PCDHA3: variants seen among roughly 807,000 people sequenced by gnomAD.
The protein encoded by PCDHA3 is protocadherin alpha 3.
In PCDHA3, 41 loss-of-function variants were observed where a neutral mutation model predicts 62.2. The ratio of observed to expected loss-of-function variants is 0.66; its 90% CI spans 0.51 to 0.86. The LOEUF is 0.86. PCDHA3 is among the 40% of genes least tolerant of loss of function. PCDHA3 has a pLI of 0.00. For missense variants in PCDHA3, 1,304 were observed against 1,241.2 expected (o/e 1.05, Z -0.76); for synonymous variants, 640 against 555.4 (o/e 1.15, Z -2.14).
chr5:140,824,610 G>GTTGTTTTTTTTTT (rs1768193318), intron 1 of PCDHA3: 13 of 95,104 alleles, frequency 1.4e-4, no homozygotes, highest in African/African-American at 5.8e-4. Context: ...GCTAATTAAA[G>GTTGTTTTTTTTTT]TTTTTTTTTT....
chr5:140,990,758 C>G (rs1432023166), intron 3 of PCDHA3, among the ~76,000 whole-genome samples: 1 of 152,162 alleles, frequency 6.6e-6, no homozygotes, highest in African/African-American at 2.4e-5. Flanking sequence ...ACCTTTGAGC[C>G]TGTAAATTTG....
chr5:140,829,672 G>A (rs1449427900), intron 1 of PCDHA3: 5 of 1,612,994 alleles, frequency 3.1e-6, no homozygotes, highest in South Asian at 2.2e-5. Flanking sequence ...ACCACGAGGA[G>A]CTAGAGCTGC....
chr5:140,835,256 C>T (rs201236040), intron 1 of PCDHA3: 72 of 1,606,500 alleles, frequency 4.5e-5, no homozygotes, highest in Non-Finnish European at 5.9e-5. Context: ...ATATAAAATC[C>T]AAGTTCCACA....
intron 1 of PCDHA3, among the ~76,000 whole-genome samples, chr5:140,879,706 A>T (rs2058090742): frequency 6.6e-6 from 1 of 152,246 alleles, no homozygotes; most frequent in African/African-American, 2.4e-5. Context: ...ATTATTTCTC[A>T]GTATTGGAGA....
intron 1 of PCDHA3, chr5:140,842,710 C>A: frequency 1.3e-6 from 2 of 1,595,124 alleles, no homozygotes; most frequent in Non-Finnish European, 1.7e-6. Context: ...ACACGGTGTT[C>A]GTGAAGGAGA....
Position 140,858,389 on chromosome 5 carries a change from G to A in PCDHA3, c.2394+54798G>A. The A allele has an allele frequency of 1.3e-6, 2 of 1,580,024 alleles. 1 individual carries two copies. Among genetic ancestry groups the A allele is most frequent in the Non-Finnish European group, 1.7e-6 (2 of 1,156,144 alleles). On this transcript the variant is annotated intron_variant, in intron 1 of 3. Transcript: ENST00000522353. ...CAGCCTTCCACCATGCCCAATGGTA[G>A]ATGTGGACGGGGAAGATCAGTCTAT...
intron 1 of PCDHA3, among the ~76,000 whole-genome samples, chr5:140,937,364 T>C (rs1471697724): frequency 6.6e-6 from 1 of 152,150 alleles, no homozygotes; most frequent in African/African-American, 2.4e-5. Flanking sequence ...TATTTTATCT[T>C]AATGTTTATG....
intron 1 of PCDHA3, chr5:140,850,598 C>T (rs1358773904): frequency 1.9e-6 from 3 of 1,598,576 alleles, no homozygotes; most frequent in Middle Eastern, 1.7e-4. Context: ...TGTACCTGAT[C>T]ATCGCCATCT....
chr5:140,849,747 G>A (rs2150448012), intron 1 of PCDHA3: 2 of 1,598,328 alleles, frequency 1.3e-6, no homozygotes, highest in South Asian at 1.1e-5. Flanking sequence ...CCGCGAGAGT[G>A]TGTCCGCCTA....
At chr5:140,880,842 T>C (rs1554171525) in intron 1 of PCDHA3, among the ~76,000 whole-genome samples, 1 of 152,194 alleles carries the variant, frequency 6.6e-6, no homozygotes, top group East Asian at 1.9e-4. Flanking sequence ...TTTAAATGGT[T>C]GACTATGTAG....
In PCDHA3 at chr5:140,876,882, G is replaced by A. The variant is rs377092859; in HGVS notation, c.2394+73291G>A. The A allele has an allele frequency of 3.2e-5, 52 of 1,614,140 alleles. 1 individual carries two copies. The African/African-American group carries it at 4.3e-4, about 13-fold the overall frequency. On this transcript the variant is annotated intron_variant, in intron 1 of 3. Transcript: ENST00000522353. ...TGTTCGTGAAGGAGAACAACCCGCC[G>A]GGCTGCCACATCTTCACGGTGTCGG...
rs573889445 is a variant in PCDHA3 at position 140,855,681 on chromosome 5, A to G, written c.2394+52090A>G. ...AGAAATCACTACTCTGAGAGTCTAC[A>G]TTTAAGAAAACATTGCACGTGGGAT... On this transcript the variant is annotated intron_variant, in intron 1 of 3. Coordinates refer to ENST00000522353, the MANE Select transcript of PCDHA3 (RefSeq NM_018906.3). Among the ~76,000 whole-genome samples the G allele has an allele frequency of 1.4e-4, 21 of 149,936 alleles. 1 individual carries two copies. The highest frequency in any genetic ancestry group is 5.1e-4 in the African/African-American group (21 of 40,902).
In PCDHA3 at chr5:140,834,624, A is replaced by C. The variant is rs2150222938; in HGVS notation, c.2394+31033A>C. On this transcript the variant is annotated intron_variant, in intron 1 of 3. Coordinates refer to ENST00000522353, the MANE Select transcript of PCDHA3 (RefSeq NM_018906.3). ...GGATCTTCTGGAGGTAAATCTGCAG[A>C]ATGGCATTTTGTTTGTGAATTCTCG... 3.7e-6 allele frequency: 6 copies of C among 1,614,104 alleles called. No individual in the cohort carries two copies. The South Asian group carries it at 6.6e-5, about 18-fold the overall frequency.
intron 1 of PCDHA3, chr5:140,882,806 T>A: frequency 6.2e-7 from 1 of 1,614,218 alleles, no homozygotes; most frequent in Non-Finnish European, 8.5e-7. Flanking sequence ...TTATTTCACT[T>A]TGGACGCACA....
chr5:140,856,501 T>A, intron 1 of PCDHA3: 1 of 1,598,302 alleles, frequency 6.3e-7, no homozygotes, highest in Non-Finnish European at 8.6e-7. Flanking sequence ...ACTCTCGATT[T>A]CCACTAGAAG....
chr5:140,835,454 C>T (rs782148594), intron 1 of PCDHA3: 4 of 1,613,928 alleles, frequency 2.5e-6, no homozygotes, highest in Non-Finnish European at 3.4e-6. Flanking sequence ...CCCTGTCTCT[C>T]CCTATTCCAG....
intron 3 of PCDHA3, among the ~76,000 whole-genome samples, chr5:140,989,660 G>T (rs1369597923): frequency 6.6e-6 from 1 of 152,180 alleles, no homozygotes; most frequent in Non-Finnish European, 1.5e-5. Context: ...TATTTTAAAA[G>T]AAACTCTGCC....
At chr5:140,877,926 G>T (rs1554170225) in intron 1 of PCDHA3, 1 of 1,415,760 alleles carries the variant, frequency 7.1e-7, no homozygotes, top group East Asian at 2.5e-5. Flanking sequence ...TTTTCTTTAT[G>T]ATTCTATCCT....
intron 1 of PCDHA3, chr5:140,875,879 G>A: frequency 6.2e-7 from 1 of 1,614,214 alleles, no homozygotes. Context: ...TTCAGAGAAA[G>A]GGAACAAAAG....
Sources: gnomAD v4.1 joint callset for allele counts (sites outside exome capture counted in the v4.1 genomes callset) on GRCh38, gnomAD v4.1.1 for gene constraint, MANE v1.5 for transcripts, NCBI Gene and HGNC (gene_info 2026-07-23, HGNC 2026-07-21) for gene names.